Variants in LEO1 observed in about 807,000 individuals in gnomAD.
LEO1 encodes RNA polymerase-associated protein LEO1.
Under a neutral mutation model 80.4 loss-of-function variants are expected in LEO1, and 34 were observed. The ratio of observed to expected loss-of-function variants is 0.42; its 90% confidence interval spans 0.32 to 0.56. The LOEUF (loss-of-function observed/expected upper bound fraction) is 0.56, where lower values mean the gene tolerates loss of function less well. Among genes scored for constraint, LEO1 ranks in the 20% least tolerant of loss-of-function variants. The probability of loss-of-function intolerance (pLI) is 0.10; values close to 1 mark genes in which losing one functional copy is unlikely to be tolerated. For synonymous variants in LEO1, 262 were observed against 274.9 expected, an observed-to-expected ratio of 0.95 and a Z score of 0.46; for missense variants, 631 against 814.2, an observed-to-expected ratio of 0.77 and a Z score of 2.74.
chr15:51,949,721 A>G, intron 10 of LEO1, 87 bp downstream of exon 10: 1 of 1,028,426 alleles, frequency 9.7e-7, no homozygotes, highest in Non-Finnish European at 1.4e-6. Flanking sequence ...AAAAAAGTCC[A>G]GTGACTTGGC....
At chr15:51,965,376 T>G (rs908265643) in intron 2 of LEO1, among the ~76,000 whole-genome samples, 1 of 152,132 alleles carries the variant, frequency 6.6e-6, no homozygotes, top group Non-Finnish European at 1.5e-5. Flanking sequence ...ATGGTATGGT[T>G]TTTTTCCCCA....
intron 6 of LEO1, among the ~76,000 whole-genome samples, chr15:51,957,599 G>A (rs768464246): frequency 6.6e-6 from 1 of 152,154 alleles, no homozygotes; most frequent in Non-Finnish European, 1.5e-5. Context: ...AAAGCTTTTG[G>A]ATAGAAACCA....
chr15:51,949,330 T>C (rs2056927577), intron 10 of LEO1, among the ~76,000 whole-genome samples: 1 of 152,160 alleles, frequency 6.6e-6, no homozygotes, highest in African/African-American at 2.4e-5. Context: ...AAACCCAAAG[T>C]AGGAACAACA....
At chr15:51,957,977 T>C (rs550508829) in intron 6 of LEO1, among the ~76,000 whole-genome samples, 29 of 152,158 alleles carry the variant, frequency 1.9e-4, no homozygotes, top group Non-Finnish European at 3.7e-4. Context: ...GCTGAGATCA[T>C]GCCACTGCCC....
chr15:51,939,384 G>C (rs1405533297), intron 11 of LEO1, among the ~76,000 whole-genome samples: 1 of 152,036 alleles, frequency 6.6e-6, no homozygotes. Context: ...TCTCACACTT[G>C]TTTCCTGCCT....
chr15:51,970,798 G>C (rs1419740362), intron 1 of LEO1, among the ~76,000 whole-genome samples: 1 of 152,152 alleles, frequency 6.6e-6, no homozygotes, highest in Admixed American at 6.6e-5. Context: ...AGGGTTGCAA[G>C]AATTCTGAAC....
At chr15:51,954,789 G>A (rs2056975743) in intron 6 of LEO1, 4 of 527,372 alleles carry the variant, frequency 7.6e-6, no homozygotes, top group Non-Finnish European at 1.0e-5. Context: ...GTGAATTTCT[G>A]AGCTCCTAGA....
chr15:51,965,955 T>A lies in LEO1; in HGVS notation c.608A>T (p.Gln203Leu). The change falls in exon 2 of 12, where the codon CAG becomes CTG. Residue 203 changes from glutamine (Q) to leucine (L), a missense_variant. Physicochemically the swap from Gln to Leu is moderately radical, Grantham distance 113. Around this residue, in one of 4 missense-constraint regions of LEO1, gnomAD observed 394 missense variants for 395.6 expected, o/e 1.00. Transcript: ENST00000299601. ...RPQLSDDERQ[Q>L]LSEEEKANSD... The stretch of plus-strand genomic sequence containing the variant: ...ATTAGCCTTTTCCTCCTCAGATAGC[T>A]GTTGTCTCTCATCATCGGAAAGCTG... 1 of 1,614,024 alleles carries A rather than the reference T, an allele frequency of 6.2e-7. No homozygotes were observed. The highest frequency in any genetic ancestry group is 8.5e-7 in the Non-Finnish European group (1 of 1,179,900).
intron 11 of LEO1, among the ~76,000 whole-genome samples, chr15:51,944,970 G>C (rs2056886831): frequency 6.6e-6 from 1 of 152,012 alleles, no homozygotes; most frequent in Non-Finnish European, 1.5e-5. Flanking sequence ...ATGCTACCTT[G>C]ATCTATAGAT....
At chr15:51,961,549 C>T (rs192625932) in intron 3 of LEO1, among the ~76,000 whole-genome samples, 108 of 152,034 alleles carry the variant, frequency 7.1e-4, no homozygotes, top group Admixed American at 5.6e-3. Flanking sequence ...CACACCACCT[C>T]GCCCCGCTAA....
Position 51,960,672 on chromosome 15 carries a change from T to C in LEO1, c.981A>G (p.Gly327=). The part of the protein sequence containing the change: ...GADDISSGSD[G]EDKPPTPGQP... The stretch of plus-strand genomic sequence containing the variant: ...GTCCTGGAGTAGGTGGTTTGTCTTC[T>C]CCATCACTCCCTGAAGAGATATCAT... The change falls in exon 4 of 12, where the codon GGA becomes GGG. Residue 327 remains glycine, a synonymous_variant. Transcript: ENST00000299601. 1 of 1,610,936 alleles carries C rather than the reference T, an allele frequency of 6.2e-7. No individual in the cohort carries two copies. Among genetic ancestry groups the C allele is most frequent in the African/African-American group, 1.3e-5 (1 of 74,990 alleles).
intron 5 of LEO1, 44 bp downstream of exon 5, chr15:51,959,855 A>C: frequency 6.7e-7 from 1 of 1,498,260 alleles, no homozygotes; most frequent in Non-Finnish European, 9.0e-7. Context: ...CATTCTATGT[A>C]TTTCTACTCA....
At chr15:51,953,346 G>T in intron 7 of LEO1, 83 bp from the exon 8 acceptor site, 1 of 1,443,506 alleles carries the variant, frequency 6.9e-7, no homozygotes, top group South Asian at 1.3e-5. Flanking sequence ...ATTCAGGCTG[G>T]GCACAGTGGC....
At chr15:51,945,569 G>A (rs1302015284) in intron 11 of LEO1, among the ~76,000 whole-genome samples, 1 of 152,090 alleles carries the variant, frequency 6.6e-6, no homozygotes, top group Non-Finnish European at 1.5e-5. Flanking sequence ...AGACCCCCCA[G>A]AGCATTCTCT....
At chr15:51,953,572 A>G (rs1181760447) in intron 7 of LEO1, among the ~76,000 whole-genome samples, 7 of 152,040 alleles carry the variant, frequency 4.6e-5, no homozygotes, top group African/African-American at 1.2e-4. Context: ...GTGAGCCAAG[A>G]TCGTGCCACT....
At chr15:51,938,291 A>ATGTCAATAAAT in intron 11 of LEO1, 31 bp from the exon 12 acceptor site, 1 of 1,279,496 alleles carries the variant, frequency 7.8e-7, no homozygotes. Flanking sequence ...CAAATCTACA[A>ATGTCAATAAAT]GTCAATAAAG....
chr15:51,967,866 A>C (rs958033538), intron 1 of LEO1, among the ~76,000 whole-genome samples: 3 of 152,210 alleles, frequency 2.0e-5, no homozygotes, highest in African/African-American at 7.2e-5. Flanking sequence ...CAAAATGAAA[A>C]ACTTTTGTGC....
intron 6 of LEO1, among the ~76,000 whole-genome samples, chr15:51,956,388 C>T (rs1204474516): frequency 6.8e-6 from 1 of 147,362 alleles, no homozygotes; most frequent in Non-Finnish European, 1.5e-5. Flanking sequence ...CCACTGCATT[C>T]CAGCCTGGGC....
intron 1 of LEO1, among the ~76,000 whole-genome samples, chr15:51,967,446 C>T (rs189195694): frequency 1.3e-5 from 2 of 152,272 alleles, no homozygotes; most frequent in East Asian, 3.9e-4. Flanking sequence ...GCACTCTAGC[C>T]TGAGTGACAA....
Sources: allele counts gnomAD v4.1 joint callset (sites outside exome capture counted in the v4.1 genomes callset), GRCh38; gene constraint gnomAD v4.1.1; regional missense constraint gnomAD v4.1.1; transcripts MANE v1.5; gene names NCBI Gene and HGNC (gene_info 2026-07-23, HGNC 2026-07-21).